The following FCHSD2 variants were observed in gnomAD, a reference collection of about 807,000 sequenced individuals.
The protein encoded by FCHSD2 is F-BAR and double SH3 domains protein 2.
In FCHSD2, 38 loss-of-function variants were observed where a neutral mutation model predicts 108.1. The ratio of observed to expected loss-of-function variants is 0.35; its 90% CI spans 0.27 to 0.46. The LOEUF (loss-of-function observed/expected upper bound fraction) is 0.46. Ranked by LOEUF, FCHSD2 falls within the 20% of genes least tolerant of loss-of-function variation. The probability of loss-of-function intolerance (pLI) is 1.00; values close to 1 mark genes in which losing one functional copy is unlikely to be tolerated. For synonymous variants in FCHSD2, 279 were observed against 314.7 expected (o/e 0.89, Z 1.20); for missense variants, 751 against 897.8 (o/e 0.84, Z 2.09).
intron 3 of FCHSD2, among the ~76,000 whole-genome samples, chr11:73,033,693 T>C (rs958713270): frequency 7.2e-5 from 11 of 152,252 alleles, no homozygotes; most frequent in African/African-American, 1.4e-4. Flanking sequence ...ATATAATTTA[T>C]GGTTATTGGC....
chr11:72,912,701 T>C (rs1035785802), intron 9 of FCHSD2, among the ~76,000 whole-genome samples: 3 of 152,302 alleles, frequency 2.0e-5, no homozygotes, highest in African/African-American at 7.2e-5. Context: ...AAAATTGGTA[T>C]TAGTTATTCT....
intron 2 of FCHSD2, among the ~76,000 whole-genome samples, chr11:73,103,872 T>C (rs1860279442): frequency 6.6e-6 from 1 of 152,216 alleles, no homozygotes; most frequent in Admixed American, 6.5e-5. Context: ...AAGCAAACTC[T>C]CCTCCAGAGA....
At chr11:73,025,112 A>G (rs897806798) in intron 3 of FCHSD2, among the ~76,000 whole-genome samples, 4 of 152,246 alleles carry the variant, frequency 2.6e-5, no homozygotes, top group Non-Finnish European at 5.9e-5. Context: ...CAGAAATACC[A>G]TTCAAGCCAT....
At position 73,106,766 on chromosome 11, in the gene FCHSD2, G is replaced by C. The variant is rs562154037; in HGVS notation, c.120-23026C>G. ...GTATCACAATTGCTTAAAGTATTCA[G>C]TACAGTAACATGCTGGACAGGTTTG... On this transcript the variant is annotated intron_variant, in intron 2 of 19. Transcript: ENST00000409418. Among the ~76,000 whole-genome samples the C allele has an allele frequency of 2.2e-3, 339 of 152,212 alleles. 1 individual carries two copies. Among genetic ancestry groups the C allele is most frequent in the Non-Finnish European group, 3.2e-3 (219 of 68,008 alleles).
intron 8 of FCHSD2, among the ~76,000 whole-genome samples, chr11:72,952,336 T>G (rs1339597450): frequency 6.6e-6 from 1 of 152,100 alleles, no homozygotes; most frequent in Non-Finnish European, 1.5e-5. Context: ...TATCTTTTTT[T>G]TTTTTTGAGA....
chr11:73,026,052 T>G (rs1407849538), intron 3 of FCHSD2, among the ~76,000 whole-genome samples: 1 of 151,934 alleles, frequency 6.6e-6, no homozygotes, highest in Non-Finnish European at 1.5e-5. Flanking sequence ...TGACATAGAG[T>G]CTCACTCTGT....
intron 2 of FCHSD2, among the ~76,000 whole-genome samples, chr11:73,087,613 G>C (rs926459146): frequency 6.6e-6 from 1 of 151,644 alleles, no homozygotes; most frequent in Non-Finnish European, 1.5e-5. Context: ...GCTGAGGCAG[G>C]AGAATTGCTT....
At chr11:73,105,593 T>C (rs1191726275) in intron 2 of FCHSD2, among the ~76,000 whole-genome samples, 1 of 152,198 alleles carries the variant, frequency 6.6e-6, no homozygotes, top group Non-Finnish European at 1.5e-5. Context: ...AAAATATACT[T>C]ACTAGGCAGT....
intron 12 of FCHSD2, among the ~76,000 whole-genome samples, chr11:72,882,350 T>A (rs1025487201): frequency 3.3e-5 from 5 of 151,944 alleles, no homozygotes; most frequent in Admixed American, 3.3e-4. Flanking sequence ...AGAGCAAGAC[T>A]TCGTCTCAAA....
chr11:73,088,935 C>T (rs1303428860), intron 2 of FCHSD2, among the ~76,000 whole-genome samples: 3 of 152,070 alleles, frequency 2.0e-5, no homozygotes, highest in East Asian at 1.9e-4. Context: ...AGGACATTCA[C>T]GTGAAGTCCA....
chr11:72,845,461 AC>A (rs60152221), intron 14 of FCHSD2, among the ~76,000 whole-genome samples: 1,225 of 16,694 alleles, frequency 0.073, 43 homozygotes, highest in African/African-American at 0.09. Flanking sequence ...AAAAAAAAAA[AC>A]AACAACAAAC....
chr11:72,859,372 A>G (rs1037326907), intron 13 of FCHSD2, among the ~76,000 whole-genome samples: 14 of 152,122 alleles, frequency 9.2e-5, no homozygotes, highest in Non-Finnish European at 1.9e-4. Flanking sequence ...GGTTATCCCA[A>G]TTGACTGTCA....
At chr11:72,851,736 T>C (rs1861294445) in intron 13 of FCHSD2, among the ~76,000 whole-genome samples, 1 of 151,978 alleles carries the variant, frequency 6.6e-6, no homozygotes, top group African/African-American at 2.4e-5. Context: ...AGCGAGACTC[T>C]GTCTCAAAAC....
Position 72,879,551 on chromosome 11 carries a change from G to A in FCHSD2, c.1146+7919C>T, listed in dbSNP as rs184038970. Among the ~76,000 whole-genome samples the A allele has an allele frequency of 5.9e-5, 9 of 152,090 alleles. No homozygotes were observed. In the East Asian group the frequency reaches 1.4e-3, roughly 23 times the overall value. On this transcript the variant is annotated intron_variant, in intron 12 of 19. Transcript: ENST00000409418. ...TTAAAGAAAAACATGAAGATAAATA[G>A]GAATGAACTAGAAGATAAAAGAAGA... is the stretch of plus-strand genomic sequence containing the variant.
At chr11:73,058,384 G>C (rs1176995605) in intron 3 of FCHSD2, among the ~76,000 whole-genome samples, 2 of 152,068 alleles carry the variant, frequency 1.3e-5, no homozygotes, top group Non-Finnish European at 2.9e-5. Flanking sequence ...GTGTGACATG[G>C]TATGGCTAGA....
chr11:72,948,341 G>T (rs1472349902), intron 8 of FCHSD2, among the ~76,000 whole-genome samples: 1 of 152,022 alleles, frequency 6.6e-6, no homozygotes. Context: ...TGCTTATTAT[G>T]AAACATTTCA....
At chr11:72,968,269 C>G (rs1444886200) in intron 8 of FCHSD2, among the ~76,000 whole-genome samples, 1 of 152,148 alleles carries the variant, frequency 6.6e-6, no homozygotes, top group Admixed American at 6.5e-5. Flanking sequence ...AGATAAATAA[C>G]ACTGGTACTC....
At chr11:73,026,385 ATGAC>A (rs1413209025) in intron 3 of FCHSD2, among the ~76,000 whole-genome samples, 2 of 152,236 alleles carry the variant, frequency 1.3e-5, no homozygotes, top group African/African-American at 4.8e-5. Flanking sequence ...TGGGAGCAAA[ATGAC>A]TGACTGAGAC....
At chr11:72,974,396 T>C (rs1315971399) in intron 8 of FCHSD2, among the ~76,000 whole-genome samples, 2 of 152,234 alleles carry the variant, frequency 1.3e-5, no homozygotes, top group African/African-American at 4.8e-5. Flanking sequence ...CCTCATGACC[T>C]AATGACCTTT....
Sources: gnomAD v4.1 joint callset for allele counts (sites outside exome capture counted in the v4.1 genomes callset) on GRCh38, gnomAD v4.1.1 for gene constraint, MANE v1.5 for transcripts, NCBI Gene and HGNC (gene_info 2026-07-23, HGNC 2026-07-21) for gene names.